SDK1: variants seen among roughly 807,000 people sequenced by gnomAD.
SDK1 encodes sidekick cell adhesion molecule 1, also known as protein sidekick-1.
In SDK1, 157 loss-of-function variants were observed where a neutral mutation model predicts 245.5. The observed-to-expected ratio is 0.64, with a 90% CI of 0.56 to 0.73. SDK1 has a LOEUF of 0.73. Among genes scored for constraint, SDK1 ranks in the 30% least tolerant of loss-of-function variants. The pLI is 0.00. For synonymous variants in SDK1, 1,647 were observed against 1,278.5 expected (o/e 1.29, Z -6.15); for missense variants, 3,583 against 3,002.3 (o/e 1.19, Z -4.52).
chr7:3,628,579 C>G (rs1232937078), intron 2 of SDK1, among the ~76,000 whole-genome samples: 1 of 152,110 alleles, frequency 6.6e-6, no homozygotes, highest in Non-Finnish European at 1.5e-5. Flanking sequence ...TGGCAACATT[C>G]TATATGCTGG....
chr7:4,181,748 C>T (rs1584388960), intron 35 of SDK1, among the ~76,000 whole-genome samples: 1 of 151,844 alleles, frequency 6.6e-6, no homozygotes, highest in East Asian at 1.9e-4. Flanking sequence ...CCACCAAGGC[C>T]TTTTCCATGC....
At chr7:3,833,264 G>A (rs1371194928) in intron 5 of SDK1, among the ~76,000 whole-genome samples, 3 of 152,168 alleles carry the variant, frequency 2.0e-5, no homozygotes, top group African/African-American at 7.2e-5. Flanking sequence ...GCATCCGGCT[G>A]GCCCCGTGCG....
intron 14 of SDK1, among the ~76,000 whole-genome samples, chr7:3,991,825 C>T (rs1339904712): frequency 6.6e-6 from 1 of 152,210 alleles, no homozygotes; most frequent in African/African-American, 2.4e-5. Context: ...CCGTGTCTTC[C>T]TGCTGTGGCA....
chr7:3,507,201 C>G (rs533111709), intron 1 of SDK1, among the ~76,000 whole-genome samples: 3 of 152,124 alleles, frequency 2.0e-5, no homozygotes, highest in African/African-American at 7.2e-5. Flanking sequence ...CAGCATTTAC[C>G]CAGCTTAGTT....
chr7:3,693,214 C>G (rs140713034), intron 4 of SDK1, among the ~76,000 whole-genome samples: 2 of 151,984 alleles, frequency 1.3e-5, no homozygotes, highest in Non-Finnish European at 2.9e-5. Flanking sequence ...TATATAAACA[C>G]CAAATTTTTT....
At chr7:3,606,129 A>T (rs1280189107) in intron 1 of SDK1, among the ~76,000 whole-genome samples, 1 of 152,164 alleles carries the variant, frequency 6.6e-6, no homozygotes, top group African/African-American at 2.4e-5. Context: ...TTTTCCTCTG[A>T]GCCAGCTCCT....
chr7:3,534,228 C>G (rs536341619), intron 1 of SDK1, among the ~76,000 whole-genome samples: 79 of 151,736 alleles, frequency 5.2e-4, no homozygotes, highest in African/African-American at 1.8e-3. Context: ...CAGGATTTCG[C>G]TCTTTTTTTT....
At chr7:4,040,958 A>C (rs1479048515) in intron 17 of SDK1, among the ~76,000 whole-genome samples, 2 of 152,186 alleles carry the variant, frequency 1.3e-5, no homozygotes, top group Non-Finnish European at 2.9e-5. Flanking sequence ...TCAGTTTTTC[A>C]GGCTGCTCTT....
At chr7:3,429,739 G>T (rs1165755074) in intron 1 of SDK1, among the ~76,000 whole-genome samples, 1 of 151,784 alleles carries the variant, frequency 6.6e-6, no homozygotes, top group African/African-American at 2.4e-5. Flanking sequence ...TGGGATTACA[G>T]GTGTGGGACA....
At chr7:3,502,537 C>T (rs1016967864) in intron 1 of SDK1, among the ~76,000 whole-genome samples, 1 of 152,160 alleles carries the variant, frequency 6.6e-6, no homozygotes, top group Non-Finnish European at 1.5e-5. Flanking sequence ...GCGTGAACCG[C>T]CATTCCCAGC....
intron 1 of SDK1, among the ~76,000 whole-genome samples, chr7:3,307,090 G>A (rs996891615): frequency 2.0e-5 from 3 of 152,094 alleles, no homozygotes; most frequent in African/African-American, 7.2e-5. Flanking sequence ...TTGATGTTTT[G>A]TTATTTGATT....
chr7:3,496,126 C>G (rs1224920549), intron 1 of SDK1, among the ~76,000 whole-genome samples: 1 of 152,166 alleles, frequency 6.6e-6, no homozygotes, highest in South Asian at 2.1e-4. Flanking sequence ...AATTCCTGCT[C>G]TGGTGCTGAG....
In SDK1 at chr7:4,005,393, AGTGTGTGTGTGTGT is replaced by A. The variant is rs71032920; in HGVS notation, c.2132-5542_2132-5529del. Among the ~76,000 whole-genome samples, 77 of 129,908 alleles carry A rather than the reference AGTGTGTGTGTGTGT, an allele frequency of 5.9e-4. No individual in the cohort carries two copies. The South Asian group carries it at 8.6e-3, about 15-fold the overall frequency. The allele number at this position is 129,908 out of a possible 152,430, so 85.2% of individuals were successfully genotyped here. ...TCCGGGTAGTTTCTTTTCTTATGTG[AGTGTGTGTGTGTGT>A]GTGTGTGTGTGTGTGTGTGTGTGTG... On this transcript the variant is annotated intron_variant, in intron 14 of 44. Transcript: ENST00000404826.
chr7:4,189,446 G>A (rs1783067647), intron 35 of SDK1, among the ~76,000 whole-genome samples: 1 of 152,170 alleles, frequency 6.6e-6, no homozygotes, highest in African/African-American at 2.4e-5. Context: ...CACCCAATGG[G>A]GAGTGGCTGC....
At chr7:3,655,615 C>T (rs1286908761) in intron 4 of SDK1, among the ~76,000 whole-genome samples, 1 of 150,478 alleles carries the variant, frequency 6.6e-6, no homozygotes, top group Non-Finnish European at 1.5e-5. Flanking sequence ...ATTGTAATCC[C>T]AGAAATGAGG....
chr7:4,003,271 A>C, intron 14 of SDK1, among the ~76,000 whole-genome samples: 1 of 151,794 alleles, frequency 6.6e-6, no homozygotes, highest in South Asian at 2.1e-4. Context: ...CAGACCAACC[A>C]CTCATGGTAG....
chr7:3,798,497 G>A (rs1003630001), intron 4 of SDK1, among the ~76,000 whole-genome samples: 1 of 152,114 alleles, frequency 6.6e-6, no homozygotes, highest in Non-Finnish European at 1.5e-5. Flanking sequence ...GATTACAGGT[G>A]TGAACCACTG....
chr7:3,602,617 T>G (rs559004345), intron 1 of SDK1, among the ~76,000 whole-genome samples: 2 of 151,874 alleles, frequency 1.3e-5, no homozygotes, highest in Admixed American at 6.6e-5. Context: ...TTTCTCCCAT[T>G]GTGTAGGTTC....
At chr7:3,561,793 A>T (rs1422975327) in intron 1 of SDK1, among the ~76,000 whole-genome samples, 1 of 152,248 alleles carries the variant, frequency 6.6e-6, no homozygotes, top group African/African-American at 2.4e-5. Flanking sequence ...AGCAAGCTGA[A>T]TAAATTTCTC....
Sources: allele counts gnomAD v4.1 joint callset (sites outside exome capture counted in the v4.1 genomes callset), GRCh38; gene constraint gnomAD v4.1.1; transcripts MANE v1.5; gene names NCBI Gene and HGNC (gene_info 2026-07-23, HGNC 2026-07-21).